The following PXDNL variants were observed in gnomAD, a reference collection of about 807,000 sequenced individuals.
PXDNL encodes peroxidasin like, also known as probable oxidoreductase PXDNL.
A neutral mutation model predicts 150.8 loss-of-function variants in PXDNL; 145 were observed. That is an observed-to-expected ratio of 0.96 (90% CI 0.84 to 1.10). PXDNL has a LOEUF of 1.10. Ranked by LOEUF, PXDNL falls within the 50% of genes least tolerant of loss-of-function variation. The pLI is 0.00. For missense variants in PXDNL, 2,087 were observed against 1,873.9 expected (o/e 1.11, Z -2.10); for synonymous variants, 757 against 725.7 (o/e 1.04, Z -0.69).
chr8:51,371,662 G>A (rs1368174310), intron 19 of PXDNL, among the ~76,000 whole-genome samples: 2 of 152,194 alleles, frequency 1.3e-5, no homozygotes. Flanking sequence ...TTCTAACAAG[G>A]TTAGTGTGGA....
chr8:51,446,321 T>C (rs1364671507), intron 12 of PXDNL, among the ~76,000 whole-genome samples: 1 of 152,220 alleles, frequency 6.6e-6, no homozygotes, highest in Non-Finnish European at 1.5e-5. Flanking sequence ...TATATCAAAA[T>C]GTAAAGCAGT....
At chr8:51,758,775 T>C (rs1393399514) in intron 1 of PXDNL, among the ~76,000 whole-genome samples, 1 of 152,138 alleles carries the variant, frequency 6.6e-6, no homozygotes, top group Non-Finnish European at 1.5e-5. Flanking sequence ...CAATTAAACC[T>C]CTTTCCTTTA....
At chr8:51,588,271 T>C (rs1428560840) in intron 3 of PXDNL, among the ~76,000 whole-genome samples, 2 of 152,220 alleles carry the variant, frequency 1.3e-5, no homozygotes, top group African/African-American at 4.8e-5. Context: ...CACAACCCTC[T>C]TTCTCTACAA....
intron 3 of PXDNL, among the ~76,000 whole-genome samples, chr8:51,568,139 T>A (rs1032591673): frequency 7.2e-5 from 11 of 151,734 alleles, no homozygotes; most frequent in Non-Finnish European, 1.6e-4. Flanking sequence ...CAAATTTTTA[T>A]CCGTTATATC....
intron 10 of PXDNL, among the ~76,000 whole-genome samples, chr8:51,452,383 T>G (rs1167472365): frequency 6.6e-6 from 1 of 152,200 alleles, no homozygotes; most frequent in Non-Finnish European, 1.5e-5. Flanking sequence ...AGGAAAGTAT[T>G]TTTGGGATAT....
At chr8:51,430,317 C>T (rs1809219749) in intron 12 of PXDNL, among the ~76,000 whole-genome samples, 1 of 152,156 alleles carries the variant, frequency 6.6e-6, no homozygotes, top group South Asian at 2.1e-4. Context: ...CAGCCAAGCT[C>T]CTGTGAATAA....
At chr8:51,402,199 G>T (rs1269398017) in intron 17 of PXDNL, among the ~76,000 whole-genome samples, 1 of 152,192 alleles carries the variant, frequency 6.6e-6, no homozygotes, top group East Asian at 1.9e-4. Flanking sequence ...CTGAATACAA[G>T]TTACTTAATT....
At chr8:51,673,842 C>G (rs758675792) in intron 1 of PXDNL, among the ~76,000 whole-genome samples, 8 of 152,014 alleles carry the variant, frequency 5.3e-5, no homozygotes, top group Non-Finnish European at 1.2e-4. Flanking sequence ...AAAGTTTAGC[C>G]TTTTATAGGT....
At chr8:51,475,708 G>A (rs888495748) in intron 6 of PXDNL, among the ~76,000 whole-genome samples, 4 of 151,980 alleles carry the variant, frequency 2.6e-5, no homozygotes, top group Admixed American at 6.6e-5. Context: ...TGAGGTTTGC[G>A]GTCCTATTGA....
intron 10 of PXDNL, among the ~76,000 whole-genome samples, chr8:51,453,130 A>G (rs1213529912): frequency 6.6e-6 from 1 of 152,246 alleles, no homozygotes; most frequent in African/African-American, 2.4e-5. Context: ...AGCCTTCAGC[A>G]TGTCCTCAAG....
intron 19 of PXDNL, among the ~76,000 whole-genome samples, chr8:51,359,741 A>T (rs190388901): frequency 6.6e-6 from 1 of 152,304 alleles, no homozygotes; most frequent in Admixed American, 6.5e-5. Context: ...TGAACAAAAG[A>T]TCTTACGGAA....
At chr8:51,423,089 T>C (rs1247401221) in intron 14 of PXDNL, among the ~76,000 whole-genome samples, 1 of 152,248 alleles carries the variant, frequency 6.6e-6, no homozygotes, top group East Asian at 1.9e-4. Flanking sequence ...AAAAGCTATG[T>C]CAATTATGTT....
At chr8:51,368,050 C>T (rs1410375172) in intron 19 of PXDNL, among the ~76,000 whole-genome samples, 1 of 152,142 alleles carries the variant, frequency 6.6e-6, no homozygotes, top group Non-Finnish European at 1.5e-5. Context: ...ATCATTTGAA[C>T]CCGGGAGGGA....
rs114670641 is a variant in PXDNL, at chr8:51,382,026, C to T, written c.3558-7295G>A. On this transcript the variant is annotated intron_variant, in intron 17 of 22. Transcript: ENST00000356297. Reference sequence around the variant, plus strand: ...TTACATATGTATACATGTGCAGAGACGGGGTTTCACCATGTTAACCCAGGA... The same window carrying T: ...TTACATATGTATACATGTGCAGAGATGGGGTTTCACCATGTTAACCCAGGA... Among the ~76,000 whole-genome samples, 1,481 of 152,140 alleles carry T rather than the reference C, an allele frequency of 9.7e-3. 24 individuals are homozygous for T. Among genetic ancestry groups the T allele is most frequent in the African/African-American group, 0.034 (1,410 of 41,484 alleles).
chr8:51,494,404 G>C (rs1283049027), intron 5 of PXDNL, among the ~76,000 whole-genome samples: 3 of 151,556 alleles, frequency 2.0e-5, no homozygotes, highest in Non-Finnish European at 4.4e-5. Context: ...ACATCATAAT[G>C]ACAGGATCAG....
rs962045966 is a variant in PXDNL at position 51,408,948 on chromosome 8, G to C, written c.2676C>G (p.Ala892=). Reference sequence around the variant, plus strand: ...CGTAAACGTTGGAGCCATCGATGTAGGCTGTTTGCTGGTTGATCTGCTCTC... The same window carrying C: ...CGTAAACGTTGGAGCCATCGATGTACGCTGTTTGCTGGTTGATCTGCTCTC... ...YAREQINQQT[A]YIDGSNVYGS... The change falls in exon 17 of 23, where the codon GCC becomes GCG. Residue 892 remains alanine (A), a synonymous_variant. Coordinates refer to ENST00000356297, the MANE Select transcript of PXDNL (RefSeq NM_144651.5). The C allele has an allele frequency of 2.5e-6, 4 of 1,612,882 alleles. No homozygotes were observed. The highest frequency in any genetic ancestry group is 1.7e-5 in the Admixed American group (1 of 60,022).
Position 51,439,081 on chromosome 8 carries a change from T to G in PXDNL, c.1525+7923A>C, listed in dbSNP as rs188659701. Among the ~76,000 whole-genome samples the G allele has an allele frequency of 1.1e-4, 16 of 152,320 alleles. 1 individual carries two copies. Among genetic ancestry groups the G allele is most frequent in the African/African-American group, 3.1e-4 (13 of 41,578 alleles). Reference sequence around the variant, plus strand: ...CAAACAAAGATAAATAAATGGTTGTTAATTAAAATAACAAGCTTCTGCATA... The same window carrying G: ...CAAACAAAGATAAATAAATGGTTGTGAATTAAAATAACAAGCTTCTGCATA... On this transcript the variant is annotated intron_variant, in intron 12 of 22. Transcript: ENST00000356297.
At chr8:51,390,945 T>C (rs1807884129) in intron 17 of PXDNL, among the ~76,000 whole-genome samples, 1 of 152,026 alleles carries the variant, frequency 6.6e-6, no homozygotes. Context: ...CCTTCCTGTG[T>C]CCATGTGTTC....
chr8:51,408,742 G>T lies in PXDNL; in HGVS notation c.2882C>A (p.Ala961Asp), dbSNP rs1180159234. ...GGCGGCCAGAGCCAGATGCTCGTTG[G>T]CCCGGTGGTCCCCGGCCAGGAAACA... ...SPCFLAGDHR[A>D]NEHLALAAMH... The change falls in exon 17 of 23, where the codon GCC (alanine) becomes GAC (aspartate). Residue 961 changes from alanine to aspartate, a missense_variant. By Grantham distance (126) the Ala-to-Asp change is moderately radical. Coordinates refer to ENST00000356297, the MANE Select transcript of PXDNL (RefSeq NM_144651.5). The T allele has an allele frequency of 1.3e-6, 2 of 1,585,520 alleles. No homozygotes were observed. Among genetic ancestry groups the T allele is most frequent in the Non-Finnish European group, 1.7e-6 (2 of 1,166,062 alleles).
Sources: allele counts gnomAD v4.1 joint callset (sites outside exome capture counted in the v4.1 genomes callset), GRCh38; gene constraint gnomAD v4.1.1; transcripts MANE v1.5; gene names NCBI Gene and HGNC (gene_info 2026-07-23, HGNC 2026-07-21).